Variants in IQCK observed in about 807,000 individuals in gnomAD.
IQCK encodes IQ motif containing K.
A neutral mutation model predicts 28.1 loss-of-function variants in IQCK; 29 were observed. That is an observed-to-expected ratio of 1.03 (90% CI 0.77 to 1.41). The LOEUF is 1.41. Ranked by LOEUF, IQCK falls within the 40% of genes most tolerant of loss-of-function variation. The probability of loss-of-function intolerance (pLI) is 0.00; values close to 1 mark genes in which losing one functional copy is unlikely to be tolerated. For synonymous variants in IQCK, 113 were observed against 115.1 expected, an observed-to-expected ratio of 0.98 and a Z score of 0.12; for missense variants, 359 against 314.7, an observed-to-expected ratio of 1.14 and a Z score of -1.07.
At chr16:19,816,671 G>A (rs2055993297) in intron 7 of IQCK, among the ~76,000 whole-genome samples, 1 of 152,186 alleles carries the variant, frequency 6.6e-6, no homozygotes, top group Non-Finnish European at 1.5e-5. Flanking sequence ...ACCCTTGGGA[G>A]GAGACTTGCT....
Position 19,825,477 on chromosome 16 carries a change from A to AC in IQCK, c.691-1547dup, listed in dbSNP as rs1468290701. Among the ~76,000 whole-genome samples, 1 of 151,574 alleles carries AC rather than the reference A, an allele frequency of 6.6e-6. No individual in the cohort carries two copies. The highest frequency in any genetic ancestry group is 1.5e-5 in the Non-Finnish European group (1 of 67,948). ...GGAGGTTGCAGTGAGCTGAGATTGC[A>AC]CCATTGCACTCCAGCCTGGGCAGCA... On this transcript the variant is annotated intron_variant, in intron 7 of 7. Coordinates refer to ENST00000564186, the Ensembl canonical transcript of IQCK. The surrounding 1 kb of genome is among the most constrained non-coding windows in gnomAD (Gnocchi z 4.2).
intron 1 of IQCK, among the ~76,000 whole-genome samples, chr16:19,723,652 A>G (rs1977565328): frequency 6.6e-6 from 1 of 152,134 alleles, no homozygotes; most frequent in South Asian, 2.1e-4. Context: ...TCCTGGATAC[A>G]TGTTAAAATG....
chr16:19,840,943 G>A (rs1205727274), intron 9 of IQCK, among the ~76,000 whole-genome samples: 1 of 152,172 alleles, frequency 6.6e-6, no homozygotes, highest in Non-Finnish European at 1.5e-5. Flanking sequence ...GCCTTAAAGA[G>A]TAACGATCCC....
chr16:19,735,800 T>C (rs905059607), intron 4 of IQCK: 1 of 339,274 alleles, frequency 2.9e-6, no homozygotes, highest in Admixed American at 4.3e-5. Context: ...CGGTGGCCCA[T>C]GCCTATAATC....
At position 19,733,686 on chromosome 16, in the gene IQCK, G is replaced by C. The variant is rs371761448; in HGVS notation, c.247-12G>C. On this transcript the variant is annotated splice_polypyrimidine_tract_variant and intron_variant, in intron 2 of 7. Transcript: ENST00000564186. ...TTAAATGAATTGCCTCCCCTCCCCT[G>C]TCTGCCTCCAGGTTGCGCCAGTAGA... is the stretch of plus-strand genomic sequence containing the variant. 1.2e-5 allele frequency: 20 copies of C among 1,613,576 alleles called. No homozygotes were observed. Among genetic ancestry groups the C allele is most frequent in the Non-Finnish European group, 1.7e-5 (20 of 1,179,880 alleles).
At chr16:19,853,915 A>G (rs1214607659) in intron 9 of IQCK, among the ~76,000 whole-genome samples, 1 of 152,222 alleles carries the variant, frequency 6.6e-6, no homozygotes, top group Non-Finnish European at 1.5e-5. Flanking sequence ...GGCGTGAGCC[A>G]CTGTGCCCAG....
chr16:19,724,590 G>A (rs1308751940), intron 1 of IQCK, among the ~76,000 whole-genome samples: 4 of 151,942 alleles, frequency 2.6e-5, no homozygotes, highest in African/African-American at 9.7e-5. Flanking sequence ...GTGCAGTGGT[G>A]CGATCTCGGC....
At chr16:19,826,319 T>A (rs954382978) in intron 7 of IQCK, among the ~76,000 whole-genome samples, 1 of 152,222 alleles carries the variant, frequency 6.6e-6, no homozygotes, top group Non-Finnish European at 1.5e-5. Flanking sequence ...TAATTTTTTT[T>A]AATATTAATT....
chr16:19,824,100 ACTTT>A (rs1277801400), intron 7 of IQCK, among the ~76,000 whole-genome samples: 3 of 152,104 alleles, frequency 2.0e-5, no homozygotes, highest in Non-Finnish European at 4.4e-5. Flanking sequence ...TTTATTGTGT[ACTTT>A]CTTTCTATTA....
chr16:19,857,369 A>G, exon 10 of IQCK: 1 of 416,828 alleles, frequency 2.4e-6, no homozygotes, highest in Non-Finnish European at 4.6e-6. Context: ...CCCATGGTTT[A>G]CAGCCTTTTA....
intron 7 of IQCK, among the ~76,000 whole-genome samples, chr16:19,799,705 T>C (rs1214602841): frequency 8.8e-6 from 1 of 114,084 alleles, no homozygotes; most frequent in Non-Finnish European, 1.6e-5. Context: ...TCCTCTCCTA[T>C]ATATTCAGTG....
chr16:19,812,746 T>C (rs1368217232), intron 7 of IQCK, among the ~76,000 whole-genome samples: 1 of 152,070 alleles, frequency 6.6e-6, no homozygotes, highest in African/African-American at 2.4e-5. Context: ...AGAGTGGCAA[T>C]TTGAGACTAT....
At position 19,760,288 on chromosome 16, in the gene IQCK, C is replaced by T. The variant is rs114262059; in HGVS notation, c.475-3560C>T. Among the ~76,000 whole-genome samples, 913 of 152,222 alleles carry T rather than the reference C, an allele frequency of 6.0e-3. 11 individuals carry two copies. The highest frequency in any genetic ancestry group is 0.021 in the African/African-American group (877 of 41,532). ...TAATAAACAACCTAATGCAAACTGG[C>T]TTAAGTGCAAAAGAGAATATATTGG... On this transcript the variant is annotated intron_variant, in intron 4 of 7. Transcript: ENST00000564186.
chr16:19,782,304 T>G (rs1198476635), intron 6 of IQCK, among the ~76,000 whole-genome samples: 3 of 151,674 alleles, frequency 2.0e-5, no homozygotes. Flanking sequence ...GAGAATTGCT[T>G]GAACCTGGGA....
At chr16:19,830,105 G>A (rs1220066636), downstream of IQCK, among the ~76,000 whole-genome samples, 1 of 152,220 alleles carries the variant, frequency 6.6e-6, no homozygotes, top group Non-Finnish European at 1.5e-5. Context: ...CAGAGTAGGA[G>A]CACATCAAAT....
exon 8 of IQCK, chr16:19,827,134 A>C (rs763284594): frequency 1.9e-6 from 3 of 1,605,484 alleles, no homozygotes; most frequent in Non-Finnish European, 2.6e-6. Flanking sequence ...GCAAGAACAA[A>C]AAGGTAAGTT....
Position 19,827,006 on chromosome 16 carries a change from GT to G in IQCK, c.691-16del. On this transcript the variant is annotated intron_variant, in intron 7 of 7. Coordinates refer to ENST00000564186, the Ensembl canonical transcript of IQCK. ...AGAAGTGTGTCGAAAAGGGACTAAAGTTTTACTGGGATTTTCCAGGTTCGCT... is the reference window on the plus strand; with the variant it reads ...AGAAGTGTGTCGAAAAGGGACTAAAGTTTACTGGGATTTTCCAGGTTCGCT... The G allele has an allele frequency of 6.4e-7, 1 of 1,573,758 alleles. No individual in the cohort carries two copies. Among genetic ancestry groups the G allele is most frequent in the South Asian group, 1.1e-5 (1 of 90,272 alleles).
At chr16:19,761,272 G>C (rs1567546435) in intron 4 of IQCK, 1 of 409,746 alleles carries the variant, frequency 2.4e-6, no homozygotes, top group Non-Finnish European at 4.9e-6. Flanking sequence ...TTCACCATAT[G>C]AATTTTGGGG....
intron 1 of IQCK, among the ~76,000 whole-genome samples, chr16:19,727,571 A>C (rs1977696520): frequency 7.0e-6 from 1 of 143,190 alleles, no homozygotes; most frequent in African/African-American, 2.7e-5. Flanking sequence ...TGGGCGACAG[A>C]GCGAGACTTT....
Sources: gnomAD v4.1 joint callset for allele counts (sites outside exome capture counted in the v4.1 genomes callset) on GRCh38, gnomAD v4.1.1 for gene constraint, Gnocchi (gnomAD v3.1) non-coding constraint, MANE v1.5 for transcripts, NCBI Gene and HGNC (gene_info 2026-07-23, HGNC 2026-07-21) for gene names.